Variants in COX18 observed in about 807,000 individuals in gnomAD.
COX18 encodes the protein cytochrome c oxidase assembly factor COX18, also known as cytochrome c oxidase assembly protein COX18, mitochondrial.
A neutral mutation model predicts 38.0 loss-of-function variants in COX18; 45 were observed. That is an observed-to-expected ratio of 1.18 (90% CI 0.93 to 1.52). The LOEUF (loss-of-function observed/expected upper bound fraction) is 1.52. COX18 is among the 40% of genes most tolerant of loss of function. The pLI is 0.00. For synonymous variants in COX18, 177 were observed against 169.8 expected (o/e 1.04, Z -0.33); for missense variants, 462 against 423.8 (o/e 1.09, Z -0.79).
intron 2 of COX18, among the ~76,000 whole-genome samples, chr4:73,066,894 T>A (rs1720473168): frequency 6.6e-6 from 1 of 152,228 alleles, no homozygotes. Flanking sequence ...AATGTACAAC[T>A]ATATAAAAAT....
rs575514515 is a variant in COX18, at chr4:73,052,677, C to T, written c.*5437G>A. The stretch of plus-strand genomic sequence containing the variant: ...TATCTGGGTTCTGCTTGAACCAGCT[C>T]GTAAGGCACAGTGTTTATAATGATA... On this transcript the variant is annotated 3_prime_UTR_variant, in exon 6 of 6. Transcript: ENST00000507544. 2.0e-5 allele frequency: 3 copies of T among 152,068 alleles called. No homozygotes were observed. The highest frequency in any genetic ancestry group is 4.8e-5 in the African/African-American group (2 of 41,414). 9.4% of individuals were successfully genotyped at this position (152,068 alleles called of 1,614,324 possible). A position where few individuals can be genotyped will look rare whatever the true frequency, so the allele number is the denominator to read the frequency against.
Position 73,069,412 on chromosome 4 carries a change from G to A in COX18, c.238C>T (p.Leu80=), listed in dbSNP as rs1432600584. ...AGCAGAATGCTGCCCCACCAGGGCA[G>A]GCCCGTGGCGGCGTGCACGCCGAGC... ...VLLGVHAATG[L]PWWGSILLST... Residue 80 remains leucine (L), a synonymous_variant, in exon 1 of 6, where the codon CTG becomes TTG. Transcript: ENST00000507544. 1.9e-6 allele frequency: 3 copies of A among 1,569,974 alleles called. No homozygotes were observed. The highest frequency in any genetic ancestry group is 2.4e-5 in the East Asian group (1 of 42,474).
At chr4:73,064,197 G>C (rs897855731) in intron 4 of COX18, among the ~76,000 whole-genome samples, 1 of 151,286 alleles carries the variant, frequency 6.6e-6, no homozygotes, top group African/African-American at 2.4e-5. Context: ...AGGTTGCAGT[G>C]AGCCAAGACT....
chr4:73,068,694 C>G (rs886838414), intron 1 of COX18: 1 of 153,108 alleles, frequency 6.5e-6, no homozygotes, highest in Non-Finnish European at 1.5e-5. Context: ...TTGAAATATC[C>G]CATTTGAATA....
rs2110041169 is a variant in COX18, at chr4:73,055,454, C to T, written c.*2660G>A. ...TGTTGATTCAGTAACACTGAACTCT[C>T]TGCCAACAGCATTATAACTTGTGCA... On this transcript the variant is annotated 3_prime_UTR_variant, in exon 6 of 6. Transcript: ENST00000507544. 1 of 152,332 alleles carries T rather than the reference C, an allele frequency of 6.6e-6. No individual in the cohort carries two copies. Among genetic ancestry groups the T allele is most frequent in the Middle Eastern group, 3.4e-3 (1 of 294 alleles). The allele number at this position is 152,332 out of a possible 1,614,324, so 9.4% of individuals were successfully genotyped here.
intron 4 of COX18, among the ~76,000 whole-genome samples, chr4:73,063,701 T>G (rs1043567782): frequency 6.6e-6 from 1 of 152,214 alleles, no homozygotes; most frequent in Non-Finnish European, 1.5e-5. Flanking sequence ...GCTAGTGCTC[T>G]TAGGGAAACA....
chr4:73,062,793 C>T (rs757430887), intron 4 of COX18, among the ~76,000 whole-genome samples: 16 of 146,068 alleles, frequency 1.1e-4, no homozygotes, highest in Non-Finnish European at 2.0e-4. Context: ...GCTGAGATCA[C>T]GCCACTGCAC....
At position 73,052,549 on chromosome 4, in the gene COX18, T is replaced by A. The variant is rs1019420126; in HGVS notation, c.*5565A>T. On this transcript the variant is annotated 3_prime_UTR_variant, in exon 6 of 6. Transcript: ENST00000507544. ...TTTCATAAAATACCATCACAGTGTA[T>A]GAAAAAAAGAAAACAGATAACTAGA... The A allele has an allele frequency of 6.6e-6, 1 of 152,000 alleles. No individual in the cohort carries two copies. Among genetic ancestry groups the A allele is most frequent in the African/African-American group, 2.4e-5 (1 of 41,386 alleles). The allele number at this position is 152,000 out of a possible 1,614,324, so 9.4% of individuals were successfully genotyped here.
intron 5 of COX18, among the ~76,000 whole-genome samples, chr4:73,061,430 C>T (rs1286049426): frequency 6.6e-6 from 1 of 152,136 alleles, no homozygotes; most frequent in African/African-American, 2.4e-5. Context: ...GGATCCCAGC[C>T]AGGTGCGGTG....
At chr4:73,067,804 G>A (rs1411254617) in intron 2 of COX18, among the ~76,000 whole-genome samples, 1 of 114,632 alleles carries the variant, frequency 8.7e-6, no homozygotes, top group Non-Finnish European at 1.6e-5. Context: ...TCACACCATT[G>A]CACTCCAGAC....
intron 4 of COX18, among the ~76,000 whole-genome samples, chr4:73,064,342 G>C (rs1192281763): frequency 6.6e-6 from 1 of 152,084 alleles, no homozygotes; most frequent in Admixed American, 6.5e-5. Context: ...GACATTCAAT[G>C]ACTTTTCTAA....
chr4:73,061,710 A>C, intron 5 of COX18, 103 bp downstream of exon 5: 1 of 273,624 alleles, frequency 3.7e-6, no homozygotes, highest in Non-Finnish European at 6.6e-6. Flanking sequence ...TCCGTCTCAA[A>C]AAAAAAAAAA....
rs201668488 is a variant in COX18 at position 73,061,849 on chromosome 4, C to G, written c.795G>C (p.Ser265=). Residue 265 remains serine (S), a synonymous_variant, in exon 5 of 6, where the codon TCG becomes TCC. Coordinates refer to ENST00000507544, the MANE Select transcript of COX18 (RefSeq NM_001297732.2). The stretch of plus-strand genomic sequence containing the variant: ...TTGCAGCAATTGGTATCATCAACAC[C>G]GACATTGCACGGACAAAGTACGTAA... ...TYITYFVRAM[S]VLMIPIAATV... The G allele has an allele frequency of 6.2e-7, 1 of 1,613,402 alleles. No individual in the cohort carries two copies. Among genetic ancestry groups the G allele is most frequent in the Non-Finnish European group, 8.5e-7 (1 of 1,179,510 alleles).
chr4:73,065,387 C>T lies in COX18; in HGVS notation c.461G>A (p.Arg154Lys), dbSNP rs1720396883. 2 of 1,613,198 alleles carry T rather than the reference C, an allele frequency of 1.2e-6. No individual in the cohort carries two copies. The highest frequency in any genetic ancestry group is 1.7e-5 in the Admixed American group (1 of 59,894). The change falls in exon 3 of 6, where the codon AGG (arginine) becomes AAG (lysine). Residue 154 changes from arginine (R) to lysine (K), a missense_variant. Transcript: ENST00000507544. The stretch of plus-strand genomic sequence containing the variant: ...TCGCACATATAGCTCTGAAATTAGC[C>T]TCCTCATATTCTTTAGATAAGTGAG... Reference protein sequence around the residue: ...ARLTYLKNMRRLISELYVRDN... With the variant: ...ARLTYLKNMRKLISELYVRDN...
chr4:73,058,546 CA>C (rs1444366373), intron 5 of COX18, among the ~76,000 whole-genome samples: 2 of 152,120 alleles, frequency 1.3e-5, no homozygotes, highest in Non-Finnish European at 1.5e-5. Flanking sequence ...GGCAGAGGCT[CA>C]AGAGAGATCT....
intron 2 of COX18, 47 bp downstream of exon 2, chr4:73,067,981 TG>T: frequency 1.0e-6 from 1 of 997,998 alleles, no homozygotes; most frequent in Non-Finnish European, 1.6e-6. Flanking sequence ...TGTGTGTGTG[TG>T]TGTGTGTATG....
Position 73,069,676 on chromosome 4 carries a change from C to T in COX18, c.-27G>A. Reference sequence around the variant, plus strand: ...TCTGCACCACGGCGGAGCCCAGATCCCGGGCCTCACAATCCAGCGGACATA... The same window carrying T: ...TCTGCACCACGGCGGAGCCCAGATCTCGGGCCTCACAATCCAGCGGACATA... On this transcript the variant is annotated 5_prime_UTR_variant, in exon 1 of 6. Coordinates refer to ENST00000507544, the MANE Select transcript of COX18 (RefSeq NM_001297732.2). 6 of 1,535,862 alleles carry T rather than the reference C, an allele frequency of 3.9e-6. No homozygotes were observed. Among genetic ancestry groups the T allele is most frequent in the Non-Finnish European group, 5.2e-6 (6 of 1,145,870 alleles).
At position 73,069,502 on chromosome 4, in the gene COX18, G is replaced by A. The variant is rs1347273903; in HGVS notation, c.148C>T (p.His50Tyr). Reference protein sequence around the residue: ...VWAVAPVSAVHANGWYEALAA... With the variant: ...VWAVAPVSAVYANGWYEALAA... ...AGGGCCTCGTACCAGCCGTTCGCAT[G>A]TACTGCAGAGACTGGTGCCACTGCC... is the stretch of plus-strand genomic sequence containing the variant. Residue 50 changes from histidine to tyrosine, a missense_variant, in exon 1 of 6, where the codon CAT becomes TAT. By Grantham distance (83) the His-to-Tyr change is moderately conservative. Coordinates refer to ENST00000507544, the MANE Select transcript of COX18 (RefSeq NM_001297732.2). The A allele has an allele frequency of 1.3e-6, 2 of 1,591,214 alleles. No individual in the cohort carries two copies. The highest frequency in any genetic ancestry group is 1.3e-5 in the African/African-American group (1 of 74,636).
At chr4:73,067,864 A>AAAAAAAAAATAT in intron 2 of COX18, among the ~76,000 whole-genome samples, 165 bp downstream of exon 2, 7 of 20,018 alleles carry the variant, frequency 3.5e-4, no homozygotes, top group African/African-American at 6.4e-4. Context: ...AAAAAAAAAA[A>AAAAAAAAAATAT]ATATATATAT....
Sources: gnomAD v4.1 joint callset for allele counts (sites outside exome capture counted in the v4.1 genomes callset) on GRCh38, gnomAD v4.1.1 for gene constraint, MANE v1.5 for transcripts, NCBI Gene and HGNC (gene_info 2026-07-23, HGNC 2026-07-21) for gene names.